The following MKLN1 variants were observed in gnomAD, a reference collection of about 807,000 sequenced individuals.
MKLN1 encodes muskelin 1.
A neutral mutation model predicts 99.0 loss-of-function variants in MKLN1; 18 were observed. The ratio of observed to expected loss-of-function variants is 0.18; its 90% CI spans 0.13 to 0.27. MKLN1 has a LOEUF of 0.27. Among genes scored for constraint, MKLN1 ranks in the 10% least tolerant of loss-of-function variants. The pLI, the probability that MKLN1 is intolerant of heterozygous loss-of-function variation, is 1.00. For missense variants in MKLN1, 621 were observed against 875.9 expected (o/e 0.71, Z 3.67); for synonymous variants, 288 against 293.2 (o/e 0.98, Z 0.18).
In MKLN1 at chr7:131,300,888, G is replaced by C. The variant is rs551428468; in HGVS notation, c.-178-74536G>C. ...GGCAGAAATGGAAATCTTACAAGGT[G>C]GATGTTTATGCTGGCTGCCATTGCA... On this transcript the variant is annotated intron_variant, in intron 3 of 7. Transcript: ENST00000416992. 2.6e-5 allele frequency among the ~76,000 whole-genome samples: 4 copies of C among 152,246 alleles called. No individual in the cohort carries two copies. The East Asian group carries it at 7.7e-4, about 29-fold the overall frequency.
intron 3 of MKLN1, among the ~76,000 whole-genome samples, chr7:131,256,610 G>A (rs959107235): frequency 6.6e-6 from 1 of 152,208 alleles, no homozygotes; most frequent in Non-Finnish European, 1.5e-5. Context: ...TGGTAAATAA[G>A]AAAGTCGGTA....
intron 3 of MKLN1, among the ~76,000 whole-genome samples, chr7:131,223,776 G>GT (rs201890457): frequency 0.01 from 1,539 of 151,604 alleles, 31 homozygotes; most frequent in African/African-American, 0.035. Flanking sequence ...TGTTGTTTTT[G>GT]TTTTTTTTGA....
rs1799354306 is a variant in MKLN1 at position 131,339,833 on chromosome 7, G to A, written c.98+11836G>A. On this transcript the variant is annotated intron_variant, in intron 1 of 17. Transcript: ENST00000352689. ...ATATTTATGTGAAGATGTAGGTTTAGAAGGAAGATAATTGGGTTTGGTGTA... is the reference window on the plus strand; with the variant it reads ...ATATTTATGTGAAGATGTAGGTTTAAAAGGAAGATAATTGGGTTTGGTGTA... 2.6e-5 allele frequency among the ~76,000 whole-genome samples: 4 copies of A among 152,058 alleles called. No individual in the cohort carries two copies. The South Asian group carries it at 6.2e-4, about 24-fold the overall frequency.
chr7:131,321,047 GAAACACC>G, intron 3 of MKLN1, among the ~76,000 whole-genome samples: 1 of 152,284 alleles, frequency 6.6e-6, no homozygotes, highest in Admixed American at 6.5e-5. Flanking sequence ...TCTAGAACCA[GAAACACC>G]ATTTGACCCA....
intron 2 of MKLN1, among the ~76,000 whole-genome samples, chr7:131,377,620 A>C (rs1044470408): frequency 1.3e-5 from 2 of 152,180 alleles, no homozygotes; most frequent in African/African-American, 2.4e-5. Context: ...TGAAACTATG[A>C]TAACCTTATT....
At position 131,147,554 on chromosome 7, in the gene MKLN1, G is replaced by A. The variant is rs146365918; in HGVS notation, c.-297+4613G>A. On this transcript the variant is annotated intron_variant, in intron 2 of 7. Coordinates refer to the MKLN1 transcript ENST00000416992. ...TTGATTGAGTGTTTAGAATATCTGC[G>A]ACTCTGTTCTAAACCATCTTAAGAC... 4.4e-3 allele frequency among the ~76,000 whole-genome samples: 671 copies of A among 152,180 alleles called. 9 individuals are homozygous for A. The highest frequency in any genetic ancestry group is 0.015 in the African/African-American group (642 of 41,502).
intron 12 of MKLN1, among the ~76,000 whole-genome samples, chr7:131,457,688 G>T (rs1305984429): frequency 6.6e-6 from 1 of 152,156 alleles, no homozygotes; most frequent in Non-Finnish European, 1.5e-5. Flanking sequence ...GGCCAAGATG[G>T]GTGAATCACC....
intron 1 of MKLN1, among the ~76,000 whole-genome samples, chr7:131,348,460 T>C (rs1445567210): frequency 6.6e-6 from 1 of 152,064 alleles, no homozygotes; most frequent in Non-Finnish European, 1.5e-5. Flanking sequence ...ATATTATCCA[T>C]TGCGGTAATA....
rs994128271 is a variant in MKLN1 at position 131,124,749 on chromosome 7, T to C, written c.-419+14542T>C. 1.2e-4 allele frequency among the ~76,000 whole-genome samples: 19 copies of C among 152,326 alleles called. 1 individual carries two copies. Among genetic ancestry groups the C allele is most frequent in the African/African-American group, 4.1e-4 (17 of 41,578 alleles). On this transcript the variant is annotated intron_variant, in intron 1 of 7. Coordinates refer to the MKLN1 transcript ENST00000416992. ...CCTTGTCTTGAACCCCAGCCTACTT[T>C]ACCATGATCCTGATGTCTTCTTTAG...
chr7:131,199,554 C>T (rs935492958), intron 2 of MKLN1, among the ~76,000 whole-genome samples: 1 of 152,198 alleles, frequency 6.6e-6, no homozygotes, highest in Admixed American at 6.5e-5. Flanking sequence ...ATACCCACTT[C>T]CCTTGGAGAA....
At chr7:131,354,048 A>G (rs1301935992) in intron 1 of MKLN1, among the ~76,000 whole-genome samples, 1 of 152,046 alleles carries the variant, frequency 6.6e-6, no homozygotes, top group African/African-American at 2.4e-5. Context: ...GCAAGCTTTA[A>G]TATTGTATAG....
chr7:131,133,489 G>A (rs1795593463), intron 1 of MKLN1, among the ~76,000 whole-genome samples: 1 of 150,960 alleles, frequency 6.6e-6, no homozygotes, highest in Non-Finnish European at 1.5e-5. Context: ...GAGTAGCTGG[G>A]ATTACAGGCA....
chr7:131,155,310 C>G (rs1484569113), intron 2 of MKLN1, among the ~76,000 whole-genome samples: 2 of 152,134 alleles, frequency 1.3e-5, no homozygotes, highest in Admixed American at 1.3e-4. Flanking sequence ...GTTTATCCCT[C>G]CATGAAGTGG....
intron 3 of MKLN1, among the ~76,000 whole-genome samples, chr7:131,286,436 C>T (rs1798133337): frequency 6.6e-6 from 1 of 152,064 alleles, no homozygotes. Flanking sequence ...GTAAATGTAG[C>T]TTTGTTTTTT....
chr7:131,435,904 C>A (rs1332094875), intron 9 of MKLN1, among the ~76,000 whole-genome samples: 1 of 150,600 alleles, frequency 6.6e-6, no homozygotes, highest in African/African-American at 2.4e-5. Flanking sequence ...TTTCTTTTTT[C>A]TTGGCATATA....
At chr7:131,319,317 T>A (rs1186928946) in intron 3 of MKLN1, among the ~76,000 whole-genome samples, 1 of 152,088 alleles carries the variant, frequency 6.6e-6, no homozygotes, top group African/African-American at 2.4e-5. Context: ...ACGTAATCTA[T>A]CACGTAAACA....
At chr7:131,223,914 A>C (rs537565869) in intron 3 of MKLN1, among the ~76,000 whole-genome samples, 1 of 151,990 alleles carries the variant, frequency 6.6e-6, no homozygotes, top group East Asian at 1.9e-4. Context: ...TTACAGGCAC[A>C]CACCACCACA....
rs1010638348 is a variant in MKLN1 at position 131,487,105 on chromosome 7, C to CATTAATGATTT, written c.2087-501_2087-491dup. 1.3e-5 allele frequency among the ~76,000 whole-genome samples: 2 copies of CATTAATGATTT among 152,096 alleles called. No individual in the cohort carries two copies. The highest frequency in any genetic ancestry group is 4.8e-5 in the African/African-American group (2 of 41,428). On this transcript the variant is annotated intron_variant, in intron 17 of 17. Coordinates refer to ENST00000352689, the MANE Select transcript of MKLN1 (RefSeq NM_013255.5). This position sits in a 1 kb window ranked among gnomAD's most constrained non-coding sequence, Gnocchi z 4.7. Reference sequence around the variant, plus strand: ...AGACTACTTCCAGCTGTCTCAGAGACATTAATGATTTTAGACTAATTTCTA... The same window carrying CATTAATGATTT: ...AGACTACTTCCAGCTGTCTCAGAGACATTAATGATTTATTAATGATTTTAGACTAATTTCTA...
At chr7:131,247,870 C>CT (rs950769007) in intron 3 of MKLN1, among the ~76,000 whole-genome samples, 6 of 131,954 alleles carry the variant, frequency 4.5e-5, no homozygotes, top group African/African-American at 1.6e-4. Context: ...CTGCTACTGC[C>CT]TTTTTTGTTT....
Sources: gnomAD v4.1 joint callset for allele counts (sites outside exome capture counted in the v4.1 genomes callset) on GRCh38, gnomAD v4.1.1 for gene constraint, Gnocchi (gnomAD v3.1) non-coding constraint, MANE v1.5 for transcripts, NCBI Gene and HGNC (gene_info 2026-07-23, HGNC 2026-07-21) for gene names.